The following CSMD1 variants were observed in gnomAD, a reference collection of about 807,000 sequenced individuals.
CSMD1 encodes the protein CUB and sushi domain-containing protein 1.
In CSMD1, 213 loss-of-function variants were observed where a neutral mutation model predicts 417.5. The observed-to-expected ratio is 0.51, with a 90% CI of 0.46 to 0.57. The LOEUF (loss-of-function observed/expected upper bound fraction) is 0.57. Among genes scored for constraint, CSMD1 ranks in the 20% least tolerant of loss-of-function variants. CSMD1 has a pLI of 0.00. For missense variants in CSMD1, 6,923 were observed against 4,529.7 expected, an observed-to-expected ratio of 1.53 and a Z score of -15.17; for synonymous variants, 2,862 against 1,736.8, an observed-to-expected ratio of 1.65 and a Z score of -16.11.
chr8:3,551,640 G>A (rs960100478), intron 10 of CSMD1, among the ~76,000 whole-genome samples: 5 of 140,734 alleles, frequency 3.6e-5, no homozygotes, highest in African/African-American at 1.0e-4. Flanking sequence ...GTTCTTTCCG[G>A]TGCTCATTTA....
chr8:4,125,335 C>T (rs895898123), intron 3 of CSMD1, among the ~76,000 whole-genome samples: 3 of 152,172 alleles, frequency 2.0e-5, no homozygotes, highest in Non-Finnish European at 4.4e-5. Context: ...CTCTAAAGAG[C>T]GCAACTGTTT....
At chr8:4,918,962 T>A (rs1806248053) in intron 1 of CSMD1, among the ~76,000 whole-genome samples, 1 of 152,216 alleles carries the variant, frequency 6.6e-6, no homozygotes, top group Non-Finnish European at 1.5e-5. Flanking sequence ...TTTTTTTCCT[T>A]TGCTATTACG....
intron 23 of CSMD1, among the ~76,000 whole-genome samples, chr8:3,311,778 G>A (rs17079887): frequency 2.3e-4 from 34 of 148,890 alleles, no homozygotes; most frequent in Non-Finnish European, 2.9e-4. Context: ...GTACAGAAGC[G>A]TTTATCAATC....
chr8:3,478,213 A>T (rs1039920731), intron 11 of CSMD1, among the ~76,000 whole-genome samples: 1 of 152,252 alleles, frequency 6.6e-6, no homozygotes, highest in Non-Finnish European at 1.5e-5. Context: ...TACAATCGCT[A>T]TTTTAAATTC....
At chr8:2,938,890 C>T in intron 69 of CSMD1, 146 bp from the exon 70 acceptor site, 2 of 624,778 alleles carry the variant, frequency 3.2e-6, no homozygotes, top group Middle Eastern at 2.7e-4. Flanking sequence ...CACACCTGCA[C>T]ACCTGTCAGT....
At chr8:3,324,845 C>A (rs1275233313) in intron 23 of CSMD1, among the ~76,000 whole-genome samples, 1 of 152,144 alleles carries the variant, frequency 6.6e-6, no homozygotes, top group Non-Finnish European at 1.5e-5. Flanking sequence ...CAGATCTTTG[C>A]AGATTTCAAG....
chr8:4,124,860 T>C (rs902444493), intron 3 of CSMD1, among the ~76,000 whole-genome samples: 2 of 151,860 alleles, frequency 1.3e-5, no homozygotes, highest in Non-Finnish European at 2.9e-5. Flanking sequence ...ATAAACTAAC[T>C]CTATAGGACA....
intron 12 of CSMD1, among the ~76,000 whole-genome samples, chr8:3,448,150 G>T (rs927357747): frequency 6.6e-6 from 1 of 150,760 alleles, no homozygotes; most frequent in African/African-American, 2.4e-5. Flanking sequence ...AGGGATACAG[G>T]GAGCCTGAAT....
At chr8:4,022,118 G>GC in intron 4 of CSMD1, among the ~76,000 whole-genome samples, 1 of 92,922 alleles carries the variant, frequency 1.1e-5, no homozygotes, top group Middle Eastern at 6.1e-3. Context: ...AATGGATATA[G>GC]AATATATATA....
At chr8:3,590,136 A>T (rs1800784337) in intron 8 of CSMD1, among the ~76,000 whole-genome samples, 1 of 152,166 alleles carries the variant, frequency 6.6e-6, no homozygotes, top group Non-Finnish European at 1.5e-5. Context: ...AAAAGAAAAA[A>T]GGACAATACA....
intron 3 of CSMD1, among the ~76,000 whole-genome samples, chr8:4,207,244 T>C (rs1453926049): frequency 6.6e-6 from 1 of 152,134 alleles, no homozygotes; most frequent in African/African-American, 2.4e-5. Context: ...TAGCCAGCAT[T>C]CCCATTATTT....
chr8:3,954,528 A>G (rs1459050572), intron 5 of CSMD1, among the ~76,000 whole-genome samples: 1 of 151,928 alleles, frequency 6.6e-6, no homozygotes, highest in East Asian at 2.0e-4. Context: ...CACCACTCCC[A>G]GATAATTTTT....
chr8:3,897,180 T>C (rs1032403533), intron 5 of CSMD1, among the ~76,000 whole-genome samples: 1 of 152,190 alleles, frequency 6.6e-6, no homozygotes, highest in Admixed American at 6.5e-5. Flanking sequence ...CAAGGGTTAG[T>C]AGCACAATGG....
chr8:4,371,454 G>T (rs1211151841), intron 3 of CSMD1, among the ~76,000 whole-genome samples: 2 of 152,176 alleles, frequency 1.3e-5, no homozygotes, highest in Admixed American at 6.5e-5. Flanking sequence ...GGAGCAGAGG[G>T]CATGTCTGGG....
intron 8 of CSMD1, among the ~76,000 whole-genome samples, chr8:3,611,743 G>A (rs951547171): frequency 6.6e-6 from 1 of 152,044 alleles, no homozygotes; most frequent in Non-Finnish European, 1.5e-5. Flanking sequence ...ATAATGTATA[G>A]GACAATGTAT....
chr8:4,068,723 CTA>C (rs1799388537), intron 3 of CSMD1, among the ~76,000 whole-genome samples: 2 of 152,046 alleles, frequency 1.3e-5, no homozygotes, highest in Admixed American at 1.3e-4. Flanking sequence ...AAAGAAATAA[CTA>C]TGCCTGCGCT....
intron 5 of CSMD1, among the ~76,000 whole-genome samples, chr8:3,781,433 G>A (rs559433067): frequency 6.6e-6 from 1 of 152,258 alleles, no homozygotes; most frequent in African/African-American, 2.4e-5. Flanking sequence ...AGCACAGTCT[G>A]GGGGGTTTCC....
rs114544449 is a variant in CSMD1 at position 3,544,155 on chromosome 8, G to C, written c.1344+30790C>G. Among the ~76,000 whole-genome samples the C allele has an allele frequency of 2.1e-3, 324 of 152,204 alleles. 2 individuals are homozygous for C. Among genetic ancestry groups the C allele is most frequent in the African/African-American group, 7.6e-3 (316 of 41,536 alleles). ...TGGGACGTGCTGGGCTGCATCCCTA[G>C]AAAGTTATGTATTCCTAGCCTCTAG... On this transcript the variant is annotated intron_variant, in intron 10 of 69. Coordinates refer to ENST00000635120, the MANE Select transcript of CSMD1 (RefSeq NM_033225.6).
At chr8:4,117,674 T>G (rs1447092406) in intron 3 of CSMD1, among the ~76,000 whole-genome samples, 2 of 152,162 alleles carry the variant, frequency 1.3e-5, no homozygotes, top group Admixed American at 6.5e-5. Context: ...ATAGACAGAC[T>G]GTATACCTGA....
Sources: allele counts gnomAD v4.1 joint callset (sites outside exome capture counted in the v4.1 genomes callset), GRCh38; gene constraint gnomAD v4.1.1; transcripts MANE v1.5; gene names NCBI Gene and HGNC (gene_info 2026-07-23, HGNC 2026-07-21).